IP6K3: variants seen among roughly 807,000 people sequenced by gnomAD.
IP6K3 encodes ATP:1D-myo-inositol-hexakisphosphate phosphotransferase.
Under a neutral mutation model 28.8 loss-of-function variants are expected in IP6K3, and 20 were observed. The ratio of observed to expected loss-of-function variants is 0.70; its 90% CI spans 0.49 to 1.01. The LOEUF (loss-of-function observed/expected upper bound fraction) is 1.01, where lower values mean the gene tolerates loss of function less well. Ranked by LOEUF, IP6K3 falls within the 50% of genes least tolerant of loss-of-function variation. The pLI, the probability that IP6K3 is intolerant of heterozygous loss-of-function variation, is 0.00. For missense variants in IP6K3, 480 were observed against 537.1 expected, an observed-to-expected ratio of 0.89 and a Z score of 1.05; for synonymous variants, 213 against 221.3, an observed-to-expected ratio of 0.96 and a Z score of 0.33.
intron 2 of IP6K3, among the ~76,000 whole-genome samples, chr6:33,728,883 C>T (rs1766220783): frequency 6.6e-6 from 1 of 152,224 alleles, no homozygotes; most frequent in Non-Finnish European, 1.5e-5. Flanking sequence ...TGCCCCTTCA[C>T]TTGCCCTCCC....
chr6:33,758,219 AG>A, the IP6K3 span, among the ~76,000 whole-genome samples: 1 of 152,204 alleles, frequency 6.6e-6, no homozygotes, highest in Admixed American at 6.5e-5. Flanking sequence ...GAAGATGCAT[AG>A]AAAGCTCAGG....
At chr6:33,734,815 T>C (rs1389327854) in intron 2 of IP6K3, among the ~76,000 whole-genome samples, 1 of 152,200 alleles carries the variant, frequency 6.6e-6, no homozygotes, top group Non-Finnish European at 1.5e-5. Context: ...GGGCGGGAGT[T>C]CTGGCTTCCC....
rs1355632350 is a variant in IP6K3, at chr6:33,727,933, T to C, written c.413+154A>G. On this transcript the variant is annotated intron_variant, in intron 3 of 5. Transcript: ENST00000293756. Reference sequence around the variant, plus strand: ...CATAAAGAAAATCCATTCCTTTCTTTGGTCACATTGGTTATTCTAGACAGA... The same window carrying C: ...CATAAAGAAAATCCATTCCTTTCTTCGGTCACATTGGTTATTCTAGACAGA... The C allele has an allele frequency of 6.1e-6, 6 of 985,342 alleles. No homozygotes were observed. The African/African-American group carries it at 1.0e-4, about 17-fold the overall frequency. 61.0% of individuals were successfully genotyped at this position (985,342 alleles called of 1,614,324 possible). A position where few individuals can be genotyped will look rare whatever the true frequency, so the allele number is the denominator to read the frequency against.
chr6:33,759,871 T>TA, the IP6K3 span, among the ~76,000 whole-genome samples: 241 of 137,240 alleles, frequency 1.8e-3, no homozygotes, highest in African/African-American at 4.3e-3. Context: ...AGACTCCGTC[T>TA]AAAAAAAAAA....
At chr6:33,741,812 G>A (rs185657579) in intron 1 of IP6K3, among the ~76,000 whole-genome samples, 53 of 151,814 alleles carry the variant, frequency 3.5e-4, no homozygotes, top group African/African-American at 1.2e-3. Flanking sequence ...TTAGCAGGGC[G>A]TGGTGACACG....
At chr6:33,756,276 G>T in the IP6K3 span, among the ~76,000 whole-genome samples, 1 of 152,166 alleles carries the variant, frequency 6.6e-6, no homozygotes, top group Non-Finnish European at 1.5e-5. Flanking sequence ...TTAAATAAGC[G>T]GGTCAGGGAA....
At chr6:33,748,608 G>A (rs1040291222), upstream of IP6K3, among the ~76,000 whole-genome samples, 6 of 128,952 alleles carry the variant, frequency 4.7e-5, no homozygotes, top group East Asian at 5.4e-4. Context: ...ATGCCACTGC[G>A]CTCCAGCTGG....
Position 33,725,473 on chromosome 6 carries a change from C to A in IP6K3, c.733G>T (p.Ala245Ser). 1 of 1,612,988 alleles carries A rather than the reference C, an allele frequency of 6.2e-7. No individual in the cohort carries two copies. Among genetic ancestry groups the A allele is most frequent in the East Asian group, 2.2e-5 (1 of 44,882 alleles). ...HMRKCAQSTS[A>S]CLGVRICGMQ... is the part of the protein sequence containing the mutation. Reference sequence around the variant, plus strand: ...CCGCAGATGCGCACACCCAGGCAGGCTGAGGTGCTCTGCGCACACTTCCTC... The same window carrying A: ...CCGCAGATGCGCACACCCAGGCAGGATGAGGTGCTCTGCGCACACTTCCTC... The change falls in exon 5 of 6, where the codon GCC (alanine) becomes TCC (serine). Residue 245 changes from alanine (A) to serine (S), a missense_variant. Ala to Ser is a moderately conservative substitution (Grantham distance 99, BLOSUM62 1). Transcript: ENST00000293756.
chr6:33,728,041 C>T (rs761635373), intron 3 of IP6K3, 46 bp downstream of exon 3: 2 of 1,585,864 alleles, frequency 1.3e-6, no homozygotes, highest in Non-Finnish European at 1.7e-6. Flanking sequence ...CAGTGCCGGT[C>T]CCTGCCGAGG....
chr6:33,748,274 A>G (rs1426755810), upstream of IP6K3, among the ~76,000 whole-genome samples: 2 of 151,948 alleles, frequency 1.3e-5, no homozygotes, highest in East Asian at 1.9e-4. Context: ...TACTTACTCC[A>G]TTTCCACATG....
chr6:33,758,783 G>A, the IP6K3 span, among the ~76,000 whole-genome samples: 1 of 152,134 alleles, frequency 6.6e-6, no homozygotes, highest in African/African-American at 2.4e-5. Context: ...GTTTTTAGTA[G>A]AGACGATGTT....
chr6:33,750,450 G>A (rs4711344), upstream of IP6K3, among the ~76,000 whole-genome samples: 218 of 152,252 alleles, frequency 1.4e-3, 3 homozygotes, highest in Admixed American at 0.014. The surrounding 1 kb of genome is among the most constrained non-coding windows in gnomAD (Gnocchi z 4.3). Context: ...CAGCTCCAGT[G>A]TCACCACCTC....
intron 1 of IP6K3, among the ~76,000 whole-genome samples, chr6:33,739,542 C>G (rs1454876703): frequency 6.6e-6 from 1 of 152,212 alleles, no homozygotes; most frequent in Non-Finnish European, 1.5e-5. Flanking sequence ...ATGCTGACCT[C>G]AAATTCCCAA....
At chr6:33,723,925 C>T (rs891588377) in intron 5 of IP6K3, among the ~76,000 whole-genome samples, 2 of 152,158 alleles carry the variant, frequency 1.3e-5, no homozygotes, top group Admixed American at 1.3e-4. Flanking sequence ...ACAGTGGCAG[C>T]AACCCCCATT....
Position 33,723,235 on chromosome 6 carries a change from A to T in IP6K3, c.766-48T>A, listed in dbSNP as rs2127346223. The stretch of plus-strand genomic sequence containing the variant: ...AAATGTGAAGATTGGAAACTTAAAC[A>T]AATTGTATCTGGTACGGTTGCAGCA... On this transcript the variant is annotated intron_variant, in intron 5 of 5. Coordinates refer to ENST00000293756, the MANE Select transcript of IP6K3 (RefSeq NM_054111.5). The T allele has an allele frequency of 3.9e-6, 5 of 1,266,174 alleles. No homozygotes were observed. The East Asian group carries it at 1.2e-4, about 30-fold the overall frequency. The allele number at this position is 1,266,174 out of a possible 1,614,324, so 78.4% of individuals were successfully genotyped here. A position where few individuals can be genotyped will look rare whatever the true frequency, so the allele number is the denominator to read the frequency against.
rs563569521 is a variant in IP6K3 at position 33,731,547 on chromosome 6, C to T, written c.200-3247G>A. Reference sequence around the variant, plus strand: ...AGTTACACAGCCAGGCTCTGCATCTCTGCCTCTCTGTCTTTCTGCGTGCCT... The same window carrying T: ...AGTTACACAGCCAGGCTCTGCATCTTTGCCTCTCTGTCTTTCTGCGTGCCT... On this transcript the variant is annotated intron_variant, in intron 2 of 5. Coordinates refer to ENST00000293756, the MANE Select transcript of IP6K3 (RefSeq NM_054111.5). 4.6e-5 allele frequency among the ~76,000 whole-genome samples: 7 copies of T among 152,370 alleles called. No individual in the cohort carries two copies. The East Asian group carries it at 1.3e-3, about 29-fold the overall frequency.
At chr6:33,755,191 C>G in the IP6K3 span, among the ~76,000 whole-genome samples, 1 of 152,256 alleles carries the variant, frequency 6.6e-6, no homozygotes, top group Non-Finnish European at 1.5e-5. Flanking sequence ...CCCCAACTGC[C>G]TGCACCCCTG....
chr6:33,738,620 A>G (rs1237174176), intron 1 of IP6K3, among the ~76,000 whole-genome samples: 2 of 152,246 alleles, frequency 1.3e-5, no homozygotes, highest in Admixed American at 1.3e-4. Flanking sequence ...AGAGAGGTTA[A>G]GTAGCTTCCC....
At chr6:33,736,754 T>C (rs1766541523) in intron 1 of IP6K3, among the ~76,000 whole-genome samples, 1 of 152,246 alleles carries the variant, frequency 6.6e-6, no homozygotes, top group South Asian at 2.1e-4. Flanking sequence ...TTGATTTACA[T>C]CATGATACCA....
Sources: allele counts gnomAD v4.1 joint callset (sites outside exome capture counted in the v4.1 genomes callset), GRCh38; gene constraint gnomAD v4.1.1; non-coding constraint Gnocchi (gnomAD v3.1); transcripts MANE v1.5; gene names NCBI Gene and HGNC (gene_info 2026-07-23, HGNC 2026-07-21).